Variants in GLIS3 observed in about 807,000 individuals in gnomAD.
GLIS3 encodes the protein GLIS family zinc finger 3, also known as zinc finger protein GLIS3.
GLIS3 carries 53 observed loss-of-function variants against 78.6 expected under a neutral mutation model. The ratio of observed to expected loss-of-function variants is 0.67; its 90% CI spans 0.54 to 0.85. The LOEUF (loss-of-function observed/expected upper bound fraction) is 0.85. GLIS3 is among the 40% of genes least tolerant of loss of function. The probability of loss-of-function intolerance (pLI) is 0.00; values close to 1 mark genes in which losing one functional copy is unlikely to be tolerated. For synonymous variants in GLIS3, 684 were observed against 509.9 expected, an observed-to-expected ratio of 1.34 and a Z score of -4.60; for missense variants, 1,703 against 1,231.1, an observed-to-expected ratio of 1.38 and a Z score of -5.74.
chr9:4,426,294 G>A, the GLIS3 span, among the ~76,000 whole-genome samples: 1 of 152,198 alleles, frequency 6.6e-6, no homozygotes, highest in African/African-American at 2.4e-5. Flanking sequence ...GACCAACAGT[G>A]AGAGAAATGT....
intron 2 of GLIS3, among the ~76,000 whole-genome samples, chr9:4,163,098 T>A (rs943065468): frequency 6.6e-6 from 1 of 152,124 alleles, no homozygotes; most frequent in Non-Finnish European, 1.5e-5. Flanking sequence ...TCACCTCCAC[T>A]AGAAAATAAA....
chr9:4,379,989 A>C, the GLIS3 span, among the ~76,000 whole-genome samples: 1 of 152,300 alleles, frequency 6.6e-6, no homozygotes, highest in African/African-American at 2.4e-5. Context: ...CTTGGGTTCC[A>C]ATCTTGGCTT....
In GLIS3 at chr9:4,112,238, T is replaced by C. The variant is rs1586701981; in HGVS notation, c.1710+5530A>G. On this transcript the variant is annotated intron_variant, in intron 4 of 10. Transcript: ENST00000381971. ...GAAATGGACACTCAGTTGAAAGCCT[T>C]CTGCCACTACCAATCATTCTAATAT... Among the ~76,000 whole-genome samples, 3 of 152,338 alleles carry C rather than the reference T, an allele frequency of 2.0e-5. No homozygotes were observed. In the South Asian group the frequency reaches 6.2e-4, roughly 32 times the overall value.
chr9:4,422,968 G>C, the GLIS3 span, among the ~76,000 whole-genome samples: 1 of 152,194 alleles, frequency 6.6e-6, no homozygotes, highest in Non-Finnish European at 1.5e-5. Flanking sequence ...TTTGGAGAAA[G>C]AAGCACATCA....
chr9:4,365,471 G>A, the GLIS3 span, among the ~76,000 whole-genome samples: 2 of 151,922 alleles, frequency 1.3e-5, no homozygotes, highest in African/African-American at 4.8e-5. Context: ...CAGGAGAATC[G>A]CTTGAACCTG....
chr9:3,829,245 G>A lies in GLIS3; in HGVS notation c.2656+65C>T, dbSNP rs568301931. On this transcript the variant is annotated intron_variant, in intron 10 of 10. Coordinates refer to ENST00000381971, the MANE Select transcript of GLIS3 (RefSeq NM_001042413.2). ...GTCACGTCCAGCCCAGGTCGGTCAC[G>A]GGCAGCCCACCTGGTCTCTCCTGTC... The A allele has an allele frequency of 7.0e-5, 103 of 1,462,724 alleles. No homozygotes were observed. In the African/African-American group the frequency reaches 1.1e-3, roughly 16 times the overall value. The allele number at this position is 1,462,724 out of a possible 1,614,324, so 90.6% of individuals were successfully genotyped here.
At chr9:3,991,816 G>A (rs561615055) in intron 4 of GLIS3, among the ~76,000 whole-genome samples, 28 of 150,548 alleles carry the variant, frequency 1.9e-4, no homozygotes, top group East Asian at 1.2e-3. Context: ...TCAGCCTCCC[G>A]AGTAGCTGGG....
chr9:3,950,631 C>T (rs1440586866), intron 4 of GLIS3, among the ~76,000 whole-genome samples: 1 of 152,208 alleles, frequency 6.6e-6, no homozygotes, highest in Non-Finnish European at 1.5e-5. Context: ...ATTTCTTTTT[C>T]AGAAAAGCAT....
chr9:4,169,979 A>C (rs1332680285), intron 2 of GLIS3, among the ~76,000 whole-genome samples: 1 of 152,208 alleles, frequency 6.6e-6, no homozygotes, highest in Non-Finnish European at 1.5e-5. Flanking sequence ...AAAATGAAAA[A>C]GGGATACGCC....
intron 2 of GLIS3, among the ~76,000 whole-genome samples, chr9:4,194,288 G>C (rs533331918): frequency 6.6e-6 from 1 of 152,124 alleles, no homozygotes; most frequent in East Asian, 1.9e-4. Flanking sequence ...TCAAACTCCT[G>C]AGCTCAGGCA....
At chr9:4,014,871 C>T (rs1360259783) in intron 4 of GLIS3, among the ~76,000 whole-genome samples, 1 of 152,166 alleles carries the variant, frequency 6.6e-6, no homozygotes, top group Non-Finnish European at 1.5e-5. Flanking sequence ...GACAATTCAA[C>T]CATTCACTCA....
intron 4 of GLIS3, among the ~76,000 whole-genome samples, chr9:4,096,997 G>C (rs899253787): frequency 6.6e-6 from 1 of 152,206 alleles, no homozygotes; most frequent in Non-Finnish European, 1.5e-5. Flanking sequence ...GGGCAACAGA[G>C]CACGACTCTG....
chr9:4,435,881 G>A, the GLIS3 span, among the ~76,000 whole-genome samples: 3 of 152,188 alleles, frequency 2.0e-5, no homozygotes, highest in Non-Finnish European at 4.4e-5. Flanking sequence ...CTCGGGAGGT[G>A]GAGCTTGCAG....
At chr9:3,854,688 C>T (rs968661320) in intron 9 of GLIS3, among the ~76,000 whole-genome samples, 4 of 143,746 alleles carry the variant, frequency 2.8e-5, no homozygotes, top group African/African-American at 5.1e-5. Flanking sequence ...AAGCGCCCGC[C>T]GTCACGCCTG....
intron 2 of GLIS3, among the ~76,000 whole-genome samples, chr9:4,241,386 G>A (rs1251265992): frequency 6.6e-6 from 1 of 152,096 alleles, no homozygotes; most frequent in Non-Finnish European, 1.5e-5. Context: ...AAGACCTAGT[G>A]TTTGATACAT....
intron 4 of GLIS3, among the ~76,000 whole-genome samples, chr9:4,002,846 C>T (rs1821221427): frequency 6.6e-6 from 1 of 152,156 alleles, no homozygotes; most frequent in Non-Finnish European, 1.5e-5. Flanking sequence ...CTCTGTCTTC[C>T]TGCTTTAAAT....
chr9:4,322,671 G>A (rs542631949), intron 2 of GLIS3, among the ~76,000 whole-genome samples: 1 of 152,276 alleles, frequency 6.6e-6, no homozygotes, highest in East Asian at 1.9e-4. Flanking sequence ...GTGATGATGA[G>A]CATTTTTTCA....
chr9:4,111,155 G>C (rs1444047606), intron 4 of GLIS3, among the ~76,000 whole-genome samples: 1 of 152,136 alleles, frequency 6.6e-6, no homozygotes, highest in Non-Finnish European at 1.5e-5. Context: ...TTTATGAAAA[G>C]ATGTACATAA....
chr9:4,059,561 C>T (rs534076348), intron 4 of GLIS3, among the ~76,000 whole-genome samples: 2 of 152,314 alleles, frequency 1.3e-5, no homozygotes, highest in South Asian at 2.1e-4. Flanking sequence ...TTCTGCCTAC[C>T]ATCCTTCTGC....
Sources: allele counts gnomAD v4.1 joint callset (sites outside exome capture counted in the v4.1 genomes callset), GRCh38; gene constraint gnomAD v4.1.1; transcripts MANE v1.5; gene names NCBI Gene and HGNC (gene_info 2026-07-23, HGNC 2026-07-21).